Variants in RSF1 observed in about 807,000 individuals in gnomAD.
RSF1 encodes remodeling and spacing factor 1, also known as HBV pX-associated protein 8.
RSF1 carries 13 observed loss-of-function variants against 145.2 expected under a neutral mutation model. That is an observed-to-expected ratio of 0.09 (90% CI 0.06 to 0.14). The LOEUF (loss-of-function observed/expected upper bound fraction) is 0.14, where lower values mean the gene tolerates loss of function less well. Ranked by LOEUF, RSF1 falls within the 10% of genes least tolerant of loss-of-function variation. The pLI is 1.00. For missense variants in RSF1, 1,517 were observed against 1,718.2 expected (o/e 0.88, Z 2.07); for synonymous variants, 577 against 592.6 (o/e 0.97, Z 0.38).
intron 10 of RSF1, among the ~76,000 whole-genome samples, chr11:77,684,527 C>T (rs1474672316): frequency 6.6e-6 from 1 of 152,086 alleles, no homozygotes; most frequent in Non-Finnish European, 1.5e-5. Flanking sequence ...TTATAAAGTT[C>T]AGTGTAAAAA....
In RSF1 at chr11:77,700,785, T is replaced by C. The variant is rs1448549698; in HGVS notation, c.2444A>G (p.Gln815Arg). 6.3e-7 allele frequency: 1 copy of C among 1,597,528 alleles called. No homozygotes were observed. The highest frequency in any genetic ancestry group is 1.8e-5 in the Admixed American group (1 of 55,580). Residue 815 changes from glutamine (Q) to arginine (R), a missense_variant, in exon 6 of 16, where the codon CAA becomes CGA. Transcript: ENST00000308488. ...CAAAATTTCCTTTTTGTCAGTTTTT[T>C]GCAAAGCTGTTGACTCTTCTTCCAC... ...DEVEEESTALQKTDKKEILKK... is the reference protein window; with the variant it reads ...DEVEEESTALRKTDKKEILKK...
the RSF1 span, among the ~76,000 whole-genome samples, chr11:77,856,196 A>T: frequency 2.6e-5 from 4 of 152,234 alleles, no homozygotes; most frequent in African/African-American, 9.6e-5. Context: ...TCTCTAGGGC[A>T]GGGGCACAAT....
At chr11:77,828,731 T>C in the RSF1 span, among the ~76,000 whole-genome samples, 1 of 150,868 alleles carries the variant, frequency 6.6e-6, no homozygotes, top group Admixed American at 6.6e-5. Flanking sequence ...TTAAAAGACG[T>C]ACATGGGAAG....
Position 77,698,523 on chromosome 11 carries a change from T to C in RSF1, c.2679A>G (p.Pro893=), listed in dbSNP as rs4945203. The C allele has an allele frequency of 0.13, 205,105 of 1,613,766 alleles. 15,635 individuals are homozygous for C. The highest frequency in any genetic ancestry group is 0.31 in the African/African-American group (23,402 of 74,892). The change falls in exon 7 of 16, where the codon CCA becomes CCG. Residue 893 remains proline (P), a synonymous_variant. Coordinates refer to ENST00000308488, the MANE Select transcript of RSF1 (RefSeq NM_016578.4). Reference sequence around the variant, plus strand: ...GGTTTGGAAGGCCACATTTTTTGCATGGTTCATCATCATCTGCTAGGATGG... The same window carrying C: ...GGTTTGGAAGGCCACATTTTTTGCACGGTTCATCATCATCTGCTAGGATGG... The part of the protein sequence containing the change: ...EEAILADDDE[P]CKKCGLPNHP...
intron 11 of RSF1, among the ~76,000 whole-genome samples, chr11:77,683,165 C>T (rs1297116618): frequency 6.6e-6 from 1 of 152,044 alleles, no homozygotes. Context: ...GTGGCGGGCG[C>T]CTGTAGTCCC....
intron 1 of RSF1, among the ~76,000 whole-genome samples, chr11:77,799,226 T>G (rs932007215): frequency 1.3e-5 from 2 of 151,622 alleles, no homozygotes; most frequent in Admixed American, 1.3e-4. Context: ...AGAAAATGGG[T>G]AGGCAGGGTG....
chr11:77,660,601 C>T lies in RSF1; in HGVS notation c.*6316G>A, dbSNP rs2135796873. The T allele has an allele frequency of 6.6e-6, 1 of 151,960 alleles. No homozygotes were observed. Among genetic ancestry groups the T allele is most frequent in the South Asian group, 2.1e-4 (1 of 4,808 alleles). 9.4% of individuals were successfully genotyped at this position (151,960 alleles called of 1,614,324 possible). ...CCTATTCCAGGAATATTTTTTTTAA[C>T]GCATAGGAAAATAAAGCATTTCATA... On this transcript the variant is annotated 3_prime_UTR_variant, in exon 16 of 16. Transcript: ENST00000308488.
chr11:77,806,154 A>C (rs1181239467), intron 1 of RSF1, among the ~76,000 whole-genome samples: 1 of 152,162 alleles, frequency 6.6e-6, no homozygotes, highest in African/African-American at 2.4e-5. Flanking sequence ...ATTGTTTCAG[A>C]AATGAGAATT....
intron 1 of RSF1, among the ~76,000 whole-genome samples, chr11:77,795,879 C>T (rs1489214391): frequency 3.9e-5 from 6 of 152,192 alleles, no homozygotes; most frequent in African/African-American, 1.4e-4. Flanking sequence ...CTATTAATCA[C>T]TGCCTCAATT....
chr11:77,689,429 C>T (rs1383049624), intron 9 of RSF1, among the ~76,000 whole-genome samples: 1 of 152,236 alleles, frequency 6.6e-6, no homozygotes, highest in Non-Finnish European at 1.5e-5. Flanking sequence ...CCTCTACTGT[C>T]ACTTTTACAC....
chr11:77,693,747 G>A (rs894798020), intron 7 of RSF1, 136 bp from the exon 8 acceptor site: 12 of 378,544 alleles, frequency 3.2e-5, no homozygotes, highest in Non-Finnish European at 5.7e-5. Context: ...AAAAAGCTCT[G>A]ATGATTAGGG....
intron 1 of RSF1, among the ~76,000 whole-genome samples, chr11:77,807,823 GATT>G (rs1565187124): frequency 6.6e-6 from 1 of 152,074 alleles, no homozygotes. Flanking sequence ...AATGACACAC[GATT>G]ATCATAAGGG....
chr11:77,819,061 T>C (rs531005141), intron 1 of RSF1, among the ~76,000 whole-genome samples: 23 of 152,324 alleles, frequency 1.5e-4, no homozygotes, highest in Middle Eastern at 6.8e-3. Context: ...ACAGATTCTT[T>C]ATAGGTAATA....
chr11:77,754,761 A>C (rs1413797009), intron 2 of RSF1, among the ~76,000 whole-genome samples: 1 of 152,012 alleles, frequency 6.6e-6, no homozygotes, highest in Non-Finnish European at 1.5e-5. Context: ...GAAAACCCCC[A>C]AAAAACAAAA....
chr11:77,810,014 G>A (rs1294520371), intron 1 of RSF1, among the ~76,000 whole-genome samples: 2 of 152,116 alleles, frequency 1.3e-5, no homozygotes, highest in Non-Finnish European at 2.9e-5. Flanking sequence ...AACCAGTACT[G>A]CACTTTTGCT....
At position 77,685,149 on chromosome 11, in the gene RSF1, A is replaced by G. The variant is rs775028309; in HGVS notation, c.2911T>C (p.Leu971=). The G allele has an allele frequency of 1.3e-6, 2 of 1,561,888 alleles. No individual in the cohort carries two copies. Among genetic ancestry groups the G allele is most frequent in the Non-Finnish European group, 1.7e-6 (2 of 1,153,912 alleles). The change falls in exon 10 of 16, where the codon TTG becomes CTG. Residue 971 remains leucine, a synonymous_variant. Transcript: ENST00000308488. ...KERAERRKER[L]VYVGISIENI... Reference sequence around the variant, plus strand: ...TCAATACTGATACCAACATACACCAAGCGTTCTTTTCTTTAGGTGAAAAAC... The same window carrying G: ...TCAATACTGATACCAACATACACCAGGCGTTCTTTTCTTTAGGTGAAAAAC...
chr11:77,868,180 C>G, the RSF1 span, among the ~76,000 whole-genome samples: 2 of 151,322 alleles, frequency 1.3e-5, no homozygotes, highest in African/African-American at 4.9e-5. Flanking sequence ...CTCAGCCTCC[C>G]GAGTAGCTGG....
chr11:77,663,342 C>T lies in RSF1; in HGVS notation c.*3575G>A, dbSNP rs1225492967. On this transcript the variant is annotated 3_prime_UTR_variant, in exon 16 of 16. Transcript: ENST00000308488. ...TTTTGACTATTAAACAAGTAAATGTCCATGTTTTTCTTAATATGTGTACTT... is the reference window on the plus strand; with the variant it reads ...TTTTGACTATTAAACAAGTAAATGTTCATGTTTTTCTTAATATGTGTACTT... The T allele has an allele frequency of 6.6e-6, 1 of 152,082 alleles. No homozygotes were observed. The highest frequency in any genetic ancestry group is 1.5e-5 in the Non-Finnish European group (1 of 68,014). The allele number at this position is 152,082 out of a possible 1,614,324, so 9.4% of individuals were successfully genotyped here.
At chr11:77,741,131 A>G (rs1322427145) in intron 3 of RSF1, among the ~76,000 whole-genome samples, 195 bp from the exon 4 acceptor site, 2 of 152,236 alleles carry the variant, frequency 1.3e-5, no homozygotes, top group Non-Finnish European at 2.9e-5. Context: ...AACATTTTAT[A>G]TTAACACCAT....
Sources: gnomAD v4.1 joint callset for allele counts (sites outside exome capture counted in the v4.1 genomes callset) on GRCh38, gnomAD v4.1.1 for gene constraint, MANE v1.5 for transcripts, NCBI Gene and HGNC (gene_info 2026-07-23, HGNC 2026-07-21) for gene names.